Variants in ERBIN observed in about 807,000 individuals in gnomAD.
ERBIN encodes densin-180-like protein.
Under a neutral mutation model 158.4 loss-of-function variants are expected in ERBIN, and 60 were observed. That is an observed-to-expected ratio of 0.38 (90% CI 0.31 to 0.47). The LOEUF (loss-of-function observed/expected upper bound fraction) is 0.47, where lower values mean the gene tolerates loss of function less well. ERBIN is among the 20% of genes least tolerant of loss of function. The pLI, the probability that ERBIN is intolerant of heterozygous loss-of-function variation, is 0.99. For missense variants in ERBIN, 1,610 were observed against 1,648.0 expected (o/e 0.98, Z 0.40); for synonymous variants, 594 against 557.2 (o/e 1.07, Z -0.93).
chr5:66,066,532 A>T (rs28696696), intron 21 of ERBIN, among the ~76,000 whole-genome samples: 1 of 144,946 alleles, frequency 6.9e-6, no homozygotes, highest in African/African-American at 2.9e-5. Flanking sequence ...TAAAAAAAAA[A>T]AAACAAAAAA....
Position 66,076,895 on chromosome 5 carries a change from A to G in ERBIN, c.4077A>G (p.Val1359=), listed in dbSNP as rs139149595. The G allele has an allele frequency of 9.6e-5, 155 of 1,609,236 alleles. 1 individual carries two copies. The highest frequency in any genetic ancestry group is 1.7e-5 in the Admixed American group (1 of 59,824). Residue 1359 remains valine (V), a synonymous_variant, in exon 25 of 26, where the codon GTA becomes GTG. Coordinates refer to ENST00000284037, the MANE Select transcript of ERBIN (RefSeq NM_001253697.2). ...TAAAGGGTATATTTGTAACAAGGGT[A>G]CAACCTGAAGGACCAGCATCAAAAT... is the stretch of plus-strand genomic sequence containing the variant. The part of the protein sequence containing the change: ...PDDDGIFVTR[V]QPEGPASKLL...
rs764526261 is a variant in ERBIN at position 66,025,463 on chromosome 5, G to A, written c.818-17G>A. 2 of 1,591,018 alleles carry A rather than the reference G, an allele frequency of 1.3e-6. No homozygotes were observed. The highest frequency in any genetic ancestry group is 2.2e-5 in the South Asian group (2 of 90,482). On this transcript the variant is annotated splice_polypyrimidine_tract_variant and intron_variant, in intron 10 of 25. Coordinates refer to ENST00000284037, the MANE Select transcript of ERBIN (RefSeq NM_001253697.2). ...ATTTTAAGCTGAAAAATTGTATGTT[G>A]TTTCTTCCCTCATTAGGTTCGTTGA...
chr5:66,060,793 T>G lies in ERBIN; in HGVS notation c.3633+5842T>G, dbSNP rs539701088. Among the ~76,000 whole-genome samples the G allele has an allele frequency of 4.1e-3, 630 of 152,320 alleles. 3 individuals carry two copies. The highest frequency in any genetic ancestry group is 0.015 in the African/African-American group (605 of 41,566). On this transcript the variant is annotated intron_variant, in intron 21 of 25. Transcript: ENST00000284037. ...TCTTTTTTTTCTACCTTCATTTCGT[T>G]AGGTACCCAGTAGTCATTCAGGAGC...
intron 25 of ERBIN, among the ~76,000 whole-genome samples, chr5:66,078,210 A>G (rs1326242583): frequency 2.0e-5 from 3 of 152,318 alleles, no homozygotes; most frequent in East Asian, 1.9e-4. Context: ...GGGCTGCTAC[A>G]TAAGAATTGG....
At chr5:65,981,309 A>G (rs1203851138) in intron 1 of ERBIN, among the ~76,000 whole-genome samples, 2 of 152,218 alleles carry the variant, frequency 1.3e-5, no homozygotes, top group African/African-American at 4.8e-5. Context: ...GATAATTTAT[A>G]TCTTTAAAGT....
At chr5:65,954,841 G>GA (rs1746907834) in intron 1 of ERBIN, among the ~76,000 whole-genome samples, 1 of 151,968 alleles carries the variant, frequency 6.6e-6, no homozygotes, top group Non-Finnish European at 1.5e-5. Flanking sequence ...CGAGGTGGGG[G>GA]ATCACTTGAG....
In ERBIN at chr5:66,031,990, C is replaced by T. The variant is rs181414515; in HGVS notation, c.1206+3647C>T. Among the ~76,000 whole-genome samples the T allele has an allele frequency of 2.1e-3, 320 of 151,996 alleles. 1 individual carries two copies. Among genetic ancestry groups the T allele is most frequent in the African/African-American group, 7.6e-3 (314 of 41,474 alleles). The stretch of plus-strand genomic sequence containing the variant: ...CTGAGTATCTGGGATTATAGGCCTG[C>T]ACCACCATGACCAACTAGACATAAG... On this transcript the variant is annotated intron_variant, in intron 14 of 25. Coordinates refer to ENST00000284037, the MANE Select transcript of ERBIN (RefSeq NM_001253697.2).
intron 21 of ERBIN, among the ~76,000 whole-genome samples, chr5:66,067,163 G>A (rs1761079728): frequency 6.6e-6 from 1 of 152,142 alleles, no homozygotes; most frequent in African/African-American, 2.4e-5. Context: ...TAACCTTGGT[G>A]AAATGGTTTG....
Position 66,081,500 on chromosome 5 carries a change from G to A in ERBIN, c.*2970G>A, listed in dbSNP as rs138843074. On this transcript the variant is annotated 3_prime_UTR_variant, in exon 26 of 26. Coordinates refer to ENST00000284037, the MANE Select transcript of ERBIN (RefSeq NM_001253697.2). Reference sequence around the variant, plus strand: ...CAACATTTATTCATTCCAAATTTTTGTATATATCTAGATGAAGTAACACAT... The same window carrying A: ...CAACATTTATTCATTCCAAATTTTTATATATATCTAGATGAAGTAACACAT... 3.9e-5 allele frequency: 6 copies of A among 152,086 alleles called. No individual in the cohort carries two copies. Among genetic ancestry groups the A allele is most frequent in the Middle Eastern group, 6.8e-3 (2 of 294 alleles). 9.4% of individuals were successfully genotyped at this position (152,086 alleles called of 1,614,324 possible).
chr5:65,940,431 C>A (rs1744748761), intron 1 of ERBIN, among the ~76,000 whole-genome samples: 1 of 140,634 alleles, frequency 7.1e-6, no homozygotes, highest in Non-Finnish European at 1.5e-5. Flanking sequence ...GGTCAGCCCC[C>A]CGCCCGGCCA....
At chr5:65,961,170 T>G (rs1005461726) in intron 1 of ERBIN, 12 of 152,238 alleles carry the variant, frequency 7.9e-5, no homozygotes, top group African/African-American at 2.4e-4. Flanking sequence ...ACTTTTCTCT[T>G]TTTTTGCTGT....
chr5:65,952,141 A>T (rs1260367473), intron 1 of ERBIN, among the ~76,000 whole-genome samples: 2 of 152,212 alleles, frequency 1.3e-5, no homozygotes, highest in Non-Finnish European at 2.9e-5. Flanking sequence ...CAGAAAACAC[A>T]GGATACTCTT....
At chr5:65,972,570 A>G (rs1000950174) in intron 1 of ERBIN, among the ~76,000 whole-genome samples, 8 of 151,458 alleles carry the variant, frequency 5.3e-5, no homozygotes, top group African/African-American at 2.0e-4. Context: ...TTGGTTAAGT[A>G]GAAGCTTAAA....
At chr5:65,957,819 ACGGGGCGGCTGCCGGG>A (rs1211204746) in intron 1 of ERBIN, among the ~76,000 whole-genome samples, 9 of 151,278 alleles carry the variant, frequency 5.9e-5, no homozygotes, top group Non-Finnish European at 1.0e-4. Context: ...CACCTCCCGG[ACGGGGCGGCTGCCGGG>A]CGGAGGGGCT....
At chr5:65,978,774 T>TA (rs1380166647) in intron 1 of ERBIN, among the ~76,000 whole-genome samples, 1 of 152,212 alleles carries the variant, frequency 6.6e-6, no homozygotes, top group Non-Finnish European at 1.5e-5. Flanking sequence ...CTGTCCCTGT[T>TA]ACATTTTGCC....
chr5:66,058,717 G>C lies in ERBIN; in HGVS notation c.3633+3766G>C, dbSNP rs1033491423. Among the ~76,000 whole-genome samples the C allele has an allele frequency of 3.3e-4, 49 of 148,266 alleles. 1 individual carries two copies. Among genetic ancestry groups the C allele is most frequent in the Non-Finnish European group, 4.9e-4 (33 of 67,972 alleles). Reference sequence around the variant, plus strand: ...CATCTTGAATTAATTTTAGTATAAGGTGTAAGGAAGGGATCCAGTTTCAGC... The same window carrying C: ...CATCTTGAATTAATTTTAGTATAAGCTGTAAGGAAGGGATCCAGTTTCAGC... On this transcript the variant is annotated intron_variant, in intron 21 of 25. Coordinates refer to ENST00000284037, the MANE Select transcript of ERBIN (RefSeq NM_001253697.2).
chr5:65,939,361 C>G (rs999979416), intron 1 of ERBIN, among the ~76,000 whole-genome samples: 5 of 152,154 alleles, frequency 3.3e-5, no homozygotes, highest in Admixed American at 6.5e-5. Context: ...TGCTTGAACC[C>G]GGGGGGCAGA....
intron 1 of ERBIN, among the ~76,000 whole-genome samples, chr5:65,940,300 C>T (rs1395101105): frequency 3.4e-5 from 5 of 148,194 alleles, no homozygotes. Flanking sequence ...GTGAGGAGAC[C>T]CTCCGCCTGG....
At chr5:65,997,447 T>C (rs1698298017) in intron 4 of ERBIN, among the ~76,000 whole-genome samples, 1 of 152,210 alleles carries the variant, frequency 6.6e-6, no homozygotes, top group South Asian at 2.1e-4. Flanking sequence ...TTAGTATGTT[T>C]AGTTTGATAT....
Sources: allele counts gnomAD v4.1 joint callset (sites outside exome capture counted in the v4.1 genomes callset), GRCh38; gene constraint gnomAD v4.1.1; transcripts MANE v1.5; gene names NCBI Gene and HGNC (gene_info 2026-07-23, HGNC 2026-07-21).